GSK3B: variants seen among roughly 807,000 people sequenced by gnomAD.
The protein encoded by GSK3B is glycogen synthase kinase 3 beta.
Under a neutral mutation model 56.4 loss-of-function variants are expected in GSK3B, and 15 were observed. The ratio of observed to expected loss-of-function variants is 0.27; its 90% CI spans 0.18 to 0.41. The LOEUF is 0.41. Ranked by LOEUF, GSK3B falls within the 10% of genes least tolerant of loss-of-function variation. The pLI, the probability that GSK3B is intolerant of heterozygous loss-of-function variation, is 1.00. For synonymous variants in GSK3B, 181 were observed against 188.9 expected (o/e 0.96, Z 0.34); for missense variants, 300 against 513.4 (o/e 0.58, Z 4.02).
At chr3:119,885,885 T>C (rs62264714) in intron 7 of GSK3B, among the ~76,000 whole-genome samples, 36,816 of 151,980 alleles carry the variant, frequency 0.24, 4,907 homozygotes, top group East Asian at 0.49. Flanking sequence ...TTTCACCATA[T>C]ACAAAAAGTG....
At chr3:119,827,070 G>A (rs760640757) in intron 10 of GSK3B, among the ~76,000 whole-genome samples, 4 of 152,214 alleles carry the variant, frequency 2.6e-5, no homozygotes, top group African/African-American at 9.6e-5. Context: ...CGGGAAGACA[G>A]TGTCTTTGAA....
At chr3:119,899,166 A>G (rs1288826430) in intron 7 of GSK3B, among the ~76,000 whole-genome samples, 2 of 152,160 alleles carry the variant, frequency 1.3e-5, no homozygotes, top group Non-Finnish European at 2.9e-5. Flanking sequence ...CAGCATGGAT[A>G]TACTGGACAA....
chr3:120,060,900 CTATT>C lies in GSK3B; in HGVS notation c.88+32443_88+32446del, dbSNP rs957091682. On this transcript the variant is annotated intron_variant, in intron 1 of 10. Transcript: ENST00000264235. ...CAAGTCAGTCAGTCAATCTGTCCAC[CTATT>C]TATTTATTTGTTTATTTATGGTAAT... Among the ~76,000 whole-genome samples the C allele has an allele frequency of 5.3e-5, 8 of 152,262 alleles. No individual in the cohort carries two copies. The South Asian group carries it at 1.5e-3, about 28-fold the overall frequency.
intron 1 of GSK3B, among the ~76,000 whole-genome samples, chr3:120,007,776 CAA>C (rs749825533): frequency 6.6e-6 from 1 of 152,100 alleles, no homozygotes; most frequent in Non-Finnish European, 1.5e-5. Flanking sequence ...CTCAACATAA[CAA>C]GAGCTATTTA....
intron 2 of GSK3B, among the ~76,000 whole-genome samples, chr3:119,975,805 T>G (rs2057404024): frequency 6.6e-6 from 1 of 152,190 alleles, no homozygotes; most frequent in Non-Finnish European, 1.5e-5. Flanking sequence ...TTGTCACAAA[T>G]GTACTACACC....
intron 2 of GSK3B, among the ~76,000 whole-genome samples, chr3:119,967,636 A>G (rs557935376): frequency 3.7e-4 from 56 of 152,336 alleles, no homozygotes; most frequent in African/African-American, 1.3e-3. Context: ...ACACAATTCT[A>G]TAACAAAAGA....
intron 2 of GSK3B, among the ~76,000 whole-genome samples, chr3:119,978,603 G>A (rs2107521995): frequency 6.6e-6 from 1 of 152,206 alleles, no homozygotes; most frequent in Admixed American, 6.5e-5. Context: ...GTTAATTCCT[G>A]GATCCTGAGG....
At chr3:120,046,338 T>C (rs955344219) in intron 1 of GSK3B, among the ~76,000 whole-genome samples, 16 of 152,268 alleles carry the variant, frequency 1.1e-4, no homozygotes, top group Middle Eastern at 3.4e-3. Context: ...TACCACAGCA[T>C]TGCAAGATGT....
intron 1 of GSK3B, among the ~76,000 whole-genome samples, chr3:120,036,825 C>T (rs1048257442): frequency 3.5e-4 from 52 of 147,530 alleles, no homozygotes; most frequent in African/African-American, 1.0e-3. Context: ...CAGATCTATG[C>T]CATCTAGCAG....
At chr3:119,885,143 A>AC (rs1462235919) in intron 7 of GSK3B, among the ~76,000 whole-genome samples, 1 of 152,060 alleles carries the variant, frequency 6.6e-6, no homozygotes, top group Non-Finnish European at 1.5e-5. Context: ...TGCCTTCAGT[A>AC]GTTTCAGGAT....
intron 3 of GSK3B, among the ~76,000 whole-genome samples, chr3:119,925,665 T>C (rs1037842807): frequency 1.3e-5 from 2 of 152,060 alleles, no homozygotes. Context: ...TGTGGAAACA[T>C]TACAATCAGC....
At chr3:119,934,509 A>G (rs544593585) in intron 3 of GSK3B, among the ~76,000 whole-genome samples, 5 of 152,346 alleles carry the variant, frequency 3.3e-5, no homozygotes, top group African/African-American at 1.2e-4. Context: ...TAAGACCACT[A>G]ACATCTCATT....
intron 1 of GSK3B, among the ~76,000 whole-genome samples, chr3:120,058,199 T>C (rs2058207066): frequency 6.6e-6 from 1 of 152,142 alleles, no homozygotes; most frequent in African/African-American, 2.4e-5. Context: ...AAAAAAACTA[T>C]AATAACTTCC....
chr3:119,930,065 T>C (rs1357111255), intron 3 of GSK3B, among the ~76,000 whole-genome samples: 1 of 134,728 alleles, frequency 7.4e-6, no homozygotes, highest in East Asian at 2.3e-4. Flanking sequence ...GACGACACAG[T>C]GAGATTCTGT....
At chr3:120,024,274 C>T (rs1435759460) in intron 1 of GSK3B, among the ~76,000 whole-genome samples, 1 of 151,934 alleles carries the variant, frequency 6.6e-6, no homozygotes, top group African/African-American at 2.4e-5. Flanking sequence ...AGGTCAAGGC[C>T]ACAGTGAGCC....
chr3:119,973,985 T>C (rs2057390416), intron 2 of GSK3B, among the ~76,000 whole-genome samples: 1 of 152,156 alleles, frequency 6.6e-6, no homozygotes, highest in Admixed American at 6.5e-5. Flanking sequence ...GACTTAACTG[T>C]AAAATGAAAA....
At chr3:120,063,151 C>T (rs2058251614) in intron 1 of GSK3B, among the ~76,000 whole-genome samples, 1 of 152,158 alleles carries the variant, frequency 6.6e-6, no homozygotes, top group African/African-American at 2.4e-5. Context: ...TGTATAAATG[C>T]TGCACATGCC....
At chr3:120,064,183 A>G (rs1408632519) in intron 1 of GSK3B, among the ~76,000 whole-genome samples, 1 of 151,776 alleles carries the variant, frequency 6.6e-6, no homozygotes, top group Non-Finnish European at 1.5e-5. Flanking sequence ...GCATAAGAGA[A>G]AAAAAGTATA....
At chr3:119,965,807 TA>T (rs2057313698) in intron 2 of GSK3B, among the ~76,000 whole-genome samples, 1 of 151,646 alleles carries the variant, frequency 6.6e-6, no homozygotes, top group Non-Finnish European at 1.5e-5. Flanking sequence ...AAAAATAATT[TA>T]AAAAAATTTT....
Sources: gnomAD v4.1 joint callset for allele counts (sites outside exome capture counted in the v4.1 genomes callset) on GRCh38, gnomAD v4.1.1 for gene constraint, MANE v1.5 for transcripts, NCBI Gene and HGNC (gene_info 2026-07-23, HGNC 2026-07-21) for gene names.